Variants in KHDRBS2 observed in about 807,000 individuals in gnomAD.
KHDRBS2 encodes KH domain-containing, RNA-binding, signal transduction-associated protein 2.
KHDRBS2 carries 26 observed loss-of-function variants against 44.3 expected under a neutral mutation model. The ratio of observed to expected loss-of-function variants is 0.59; its 90% CI spans 0.43 to 0.81. The LOEUF (loss-of-function observed/expected upper bound fraction) is 0.81. KHDRBS2 is among the 40% of genes least tolerant of loss of function. The pLI is 0.00. For missense variants in KHDRBS2, 476 were observed against 433.1 expected, an observed-to-expected ratio of 1.10 and a Z score of -0.88; for synonymous variants, 194 against 151.1, an observed-to-expected ratio of 1.28 and a Z score of -2.08.
intron 3 of KHDRBS2, among the ~76,000 whole-genome samples, chr6:62,008,088 C>G (rs1167064851): frequency 1.3e-5 from 2 of 152,078 alleles, no homozygotes; most frequent in Non-Finnish European, 2.9e-5. Flanking sequence ...GTAACATATT[C>G]CTGATTAAAA....
chr6:61,901,707 T>G (rs1804077129), intron 4 of KHDRBS2, among the ~76,000 whole-genome samples: 1 of 152,150 alleles, frequency 6.6e-6, no homozygotes, highest in Admixed American at 6.5e-5. Context: ...TTATGATTGT[T>G]AATATGACGA....
In KHDRBS2 at chr6:62,067,596, C is replaced by A. The variant is rs563792484; in HGVS notation, c.220-19602G>T. 2.0e-5 allele frequency among the ~76,000 whole-genome samples: 3 copies of A among 151,516 alleles called. No individual in the cohort carries two copies. The East Asian group carries it at 5.9e-4, about 30-fold the overall frequency. On this transcript the variant is annotated intron_variant, in intron 2 of 8. Coordinates refer to ENST00000281156, the MANE Select transcript of KHDRBS2 (RefSeq NM_152688.4). ...TATTTATTGATATATAGTTTACGTA[C>A]CATAAAATTAGTTCATTAAAAGTGT...
At chr6:61,617,046 G>A in the KHDRBS2 span, among the ~76,000 whole-genome samples, 4 of 152,030 alleles carry the variant, frequency 2.6e-5, no homozygotes, top group African/African-American at 9.7e-5. Flanking sequence ...TCCAGTTGAG[G>A]CTACTTTCAG....
intron 4 of KHDRBS2, among the ~76,000 whole-genome samples, chr6:61,932,772 G>A (rs572756671): frequency 2.0e-5 from 3 of 152,188 alleles, no homozygotes; most frequent in Admixed American, 6.5e-5. Flanking sequence ...CAGCCTGGGC[G>A]ACAGAGCAAG....
intron 1 of KHDRBS2, among the ~76,000 whole-genome samples, chr6:62,248,642 G>A (rs1836020205): frequency 6.6e-6 from 1 of 152,076 alleles, no homozygotes. Context: ...ACAGTCATGA[G>A]TCACCTTGAA....
At chr6:61,597,773 T>TATATATATATACATACAC in the KHDRBS2 span, among the ~76,000 whole-genome samples, 10 of 42,342 alleles carry the variant, frequency 2.4e-4, 1 homozygote, top group Non-Finnish European at 4.8e-4. Context: ...TATATATATA[T>TATATATATATACATACAC]ACACCAAGAT....
At chr6:61,580,578 C>T in the KHDRBS2 span, among the ~76,000 whole-genome samples, 1 of 152,152 alleles carries the variant, frequency 6.6e-6, no homozygotes, top group Non-Finnish European at 1.5e-5. Flanking sequence ...CTGTAATACT[C>T]AGGGTGAGAG....
At chr6:62,097,915 T>C (rs1459308935) in intron 2 of KHDRBS2, among the ~76,000 whole-genome samples, 2 of 152,086 alleles carry the variant, frequency 1.3e-5, no homozygotes, top group Non-Finnish European at 2.9e-5. Flanking sequence ...GTGGTTATCA[T>C]AAGTCTTACC....
the KHDRBS2 span, among the ~76,000 whole-genome samples, chr6:61,562,468 A>C: frequency 6.6e-6 from 1 of 152,174 alleles, no homozygotes; most frequent in East Asian, 1.9e-4. Context: ...CCTGTTGAAA[A>C]GAAGGGAAGA....
the KHDRBS2 span, among the ~76,000 whole-genome samples, chr6:61,566,289 C>T: frequency 4.4e-4 from 67 of 152,138 alleles, no homozygotes; most frequent in African/African-American, 1.5e-3. Flanking sequence ...ACAAAAATTA[C>T]AGTTAGATAG....
intron 1 of KHDRBS2, among the ~76,000 whole-genome samples, chr6:62,235,068 G>A (rs1184712665): frequency 2.1e-5 from 3 of 139,680 alleles, no homozygotes; most frequent in East Asian, 4.1e-4. Context: ...TTTCCATTTA[G>A]GCTTTTTTTT....
At chr6:61,764,245 G>T (rs1779681069) in intron 6 of KHDRBS2, among the ~76,000 whole-genome samples, 1 of 152,118 alleles carries the variant, frequency 6.6e-6, no homozygotes, top group African/African-American at 2.4e-5. Flanking sequence ...ATGGGCATTT[G>T]GGTTGATTCC....
At chr6:62,082,859 G>GAATTTAAAT (rs1797666806) in intron 2 of KHDRBS2, among the ~76,000 whole-genome samples, 1 of 152,098 alleles carries the variant, frequency 6.6e-6, no homozygotes, top group Non-Finnish European at 1.5e-5. Flanking sequence ...CCATGTTCCA[G>GAATTTAAAT]AATTTAAATA....
intron 2 of KHDRBS2, among the ~76,000 whole-genome samples, chr6:62,051,888 C>T (rs2127313635): frequency 6.6e-6 from 1 of 152,028 alleles, no homozygotes; most frequent in Non-Finnish European, 1.5e-5. Flanking sequence ...TGCTCAACAT[C>T]ATTAATCATC....
chr6:62,121,034 G>C (rs550419807), intron 2 of KHDRBS2, among the ~76,000 whole-genome samples: 1 of 152,230 alleles, frequency 6.6e-6, no homozygotes, highest in African/African-American at 2.4e-5. Flanking sequence ...CAGTTAAACC[G>C]GGGGCTTACA....
chr6:61,993,027 A>T (rs1426112454), intron 3 of KHDRBS2, among the ~76,000 whole-genome samples: 1 of 152,182 alleles, frequency 6.6e-6, no homozygotes, highest in African/African-American at 2.4e-5. Context: ...CAGGAAACTG[A>T]TATGATATTG....
intron 2 of KHDRBS2, among the ~76,000 whole-genome samples, chr6:62,090,844 C>G (rs1185242418): frequency 6.6e-6 from 1 of 152,122 alleles, no homozygotes; most frequent in Non-Finnish European, 1.5e-5. Flanking sequence ...GAGGAAACAT[C>G]ATTATATTCC....
the KHDRBS2 span, among the ~76,000 whole-genome samples, chr6:61,574,746 T>C: frequency 1.3e-5 from 2 of 151,896 alleles, no homozygotes; most frequent in Non-Finnish European, 2.9e-5. Context: ...CCATCTCTAC[T>C]AAAAATACAA....
chr6:61,563,406 G>C, the KHDRBS2 span, among the ~76,000 whole-genome samples: 1 of 151,850 alleles, frequency 6.6e-6, no homozygotes, highest in African/African-American at 2.4e-5. Context: ...CTTAATTTTA[G>C]GTATAAAAAG....
Sources: gnomAD v4.1 joint callset for allele counts (sites outside exome capture counted in the v4.1 genomes callset) on GRCh38, gnomAD v4.1.1 for gene constraint, MANE v1.5 for transcripts, NCBI Gene and HGNC (gene_info 2026-07-23, HGNC 2026-07-21) for gene names.